FBXO34: variants seen among roughly 807,000 people sequenced by gnomAD.
FBXO34 encodes F-box only protein 34.
In FBXO34, 12 loss-of-function variants were observed where a neutral mutation model predicts 24.5. The ratio of observed to expected loss-of-function variants is 0.49; its 90% CI spans 0.31 to 0.79. FBXO34 has a LOEUF of 0.79. Among genes scored for constraint, FBXO34 ranks in the 30% least tolerant of loss-of-function variants. The probability of loss-of-function intolerance (pLI) is 0.04; values close to 1 mark genes in which losing one functional copy is unlikely to be tolerated. For synonymous variants in FBXO34, 320 were observed against 311.9 expected (o/e 1.03, Z -0.27); for missense variants, 823 against 857.7 (o/e 0.96, Z 0.51).
At chr14:55,411,949 C>T in the FBXO34 span, 2 of 832,568 alleles carry the variant, frequency 2.4e-6, no homozygotes, top group Non-Finnish European at 3.7e-6. Flanking sequence ...TCCGCCGCCG[C>T]GTGTTCCTGT....
At chr14:55,323,613 C>T (rs1180886025) in intron 1 of FBXO34, among the ~76,000 whole-genome samples, 1 of 151,910 alleles carries the variant, frequency 6.6e-6, no homozygotes, top group Non-Finnish European at 1.5e-5. Flanking sequence ...AATCTCCTGA[C>T]GTCATGATCC....
At chr14:55,280,622 G>C (rs370221746) in intron 1 of FBXO34, among the ~76,000 whole-genome samples, 33 of 147,892 alleles carry the variant, frequency 2.2e-4, no homozygotes, top group African/African-American at 7.9e-4. Flanking sequence ...CGCCTCCCAG[G>C]TTCACACCAT....
chr14:55,380,235 G>A, the FBXO34 span, among the ~76,000 whole-genome samples: 5 of 150,218 alleles, frequency 3.3e-5, no homozygotes, highest in South Asian at 2.1e-4. Flanking sequence ...GCGACAGAGC[G>A]AGACTCTGTC....
chr14:55,409,241 A>G, the FBXO34 span, among the ~76,000 whole-genome samples: 1 of 152,360 alleles, frequency 6.6e-6, no homozygotes, highest in East Asian at 1.9e-4. Flanking sequence ...TGGCTTTAGT[A>G]ACAAATGGAT....
At chr14:55,380,876 T>TATG in the FBXO34 span, among the ~76,000 whole-genome samples, 1 of 84,380 alleles carries the variant, frequency 1.2e-5, no homozygotes, top group Admixed American at 1.1e-4. Context: ...TATATATATA[T>TATG]TTTTTTTTTT....
Position 55,350,852 on chromosome 14 carries a change from A to G in FBXO34, c.462A>G (p.Ser154=), listed in dbSNP as rs1372779382. The change falls in exon 2 of 2, where the codon TCA becomes TCG. Residue 154 remains serine (S), a synonymous_variant. Coordinates refer to ENST00000313833, the MANE Select transcript of FBXO34 (RefSeq NM_017943.4). Reference sequence around the variant, plus strand: ...GAGCTACTAAGAGAAGGAAAAAATCAGGGGATCTTAAAAAAGCCAAGGTAC... The same window carrying G: ...GAGCTACTAAGAGAAGGAAAAAATCGGGGGATCTTAAAAAAGCCAAGGTAC... ...DGRATKRRKK[S]GDLKKAKVQV... is the part of the protein sequence containing the mutation. The G allele has an allele frequency of 3.1e-6, 5 of 1,613,110 alleles. No individual in the cohort carries two copies. The highest frequency in any genetic ancestry group is 1.3e-5 in the African/African-American group (1 of 74,822).
chr14:55,415,771 CA>C, the FBXO34 span, among the ~76,000 whole-genome samples: 1 of 151,996 alleles, frequency 6.6e-6, no homozygotes, highest in Admixed American at 6.6e-5. Context: ...GAGGCTGAGG[CA>C]GGAGAATTGC....
chr14:55,381,933 T>C, the FBXO34 span: 3,819 of 1,574,372 alleles, frequency 2.4e-3, 77 homozygotes, highest in African/African-American at 0.042. Context: ...TCTCTATATA[T>C]AGATTTCAAA....
the FBXO34 span, among the ~76,000 whole-genome samples, chr14:55,400,426 T>G: frequency 6.6e-6 from 1 of 152,208 alleles, no homozygotes; most frequent in African/African-American, 2.4e-5. Context: ...AACATATTGA[T>G]CTAATTCACT....
At chr14:55,439,544 C>CT in the FBXO34 span, among the ~76,000 whole-genome samples, 1 of 149,526 alleles carries the variant, frequency 6.7e-6, no homozygotes, top group Admixed American at 6.8e-5. Flanking sequence ...AATCCCAGCA[C>CT]TTCGGGAGGC....
Position 55,332,013 on chromosome 14 carries a change from A to AAT in FBXO34, c.-10-18358_-10-18357dup, listed in dbSNP as rs1436926174. Among the ~76,000 whole-genome samples, 66 of 113,630 alleles carry AAT rather than the reference A, an allele frequency of 5.8e-4. 15 individuals carry two copies. The highest frequency in any genetic ancestry group is 2.0e-3 in the African/African-American group (58 of 29,284). The allele number at this position is 113,630 out of a possible 152,430, so 74.5% of individuals were successfully genotyped here. On this transcript the variant is annotated intron_variant, in intron 1 of 1. Transcript: ENST00000313833. ...TACACCACCGTGGTGTATATATAAA[A>AAT]ATATATATATACCACCGTGGTGGTA... is the stretch of plus-strand genomic sequence containing the variant.
chr14:55,353,703 T>C (rs540448117), downstream of FBXO34: 1 of 165,888 alleles, frequency 6.0e-6, no homozygotes, highest in Non-Finnish European at 1.5e-5. Context: ...TAAATTGTTT[T>C]GAATTGTTGG....
chr14:55,383,365 A>G, the FBXO34 span, among the ~76,000 whole-genome samples: 1 of 152,126 alleles, frequency 6.6e-6, no homozygotes, highest in African/African-American at 2.4e-5. Context: ...AGCCTGGCCA[A>G]CATGGTGAAA....
intron 1 of FBXO34, among the ~76,000 whole-genome samples, chr14:55,330,208 C>A (rs1883486256): frequency 6.6e-6 from 1 of 152,148 alleles, no homozygotes; most frequent in African/African-American, 2.4e-5. Context: ...GTGTTCTTTC[C>A]ACATACTTTC....
chr14:55,409,889 A>G, the FBXO34 span, among the ~76,000 whole-genome samples: 757 of 152,374 alleles, frequency 5.0e-3, 7 homozygotes, highest in African/African-American at 0.017. Context: ...CAAGGACGGA[A>G]GCAGAGACAT....
chr14:55,440,650 A>T, the FBXO34 span: 1 of 1,303,472 alleles, frequency 7.7e-7, no homozygotes, highest in South Asian at 1.5e-5. Context: ...TGCGGAACCC[A>T]GCTACCGGCC....
At chr14:55,385,996 G>A in the FBXO34 span, 3 of 1,614,096 alleles carry the variant, frequency 1.9e-6, no homozygotes, top group Non-Finnish European at 2.5e-6. Context: ...CACCAAGTTT[G>A]CGATTATGCC....
chr14:55,440,757 C>A, the FBXO34 span: 1 of 541,432 alleles, frequency 1.8e-6, no homozygotes, highest in Non-Finnish European at 3.2e-6. Flanking sequence ...CTGGGAAGGG[C>A]CTGGGCCTGC....
chr14:55,428,698 C>T, the FBXO34 span: 15 of 976,578 alleles, frequency 1.5e-5, no homozygotes, highest in Middle Eastern at 3.7e-4. Context: ...TGTCCCCCGC[C>T]TTTTTTTTTT....
Sources: gnomAD v4.1 joint callset for allele counts (sites outside exome capture counted in the v4.1 genomes callset) on GRCh38, gnomAD v4.1.1 for gene constraint, MANE v1.5 for transcripts, NCBI Gene and HGNC (gene_info 2026-07-23, HGNC 2026-07-21) for gene names.